Variants in ATP9B observed in about 807,000 individuals in gnomAD.
ATP9B encodes probable phospholipid-transporting ATPase IIB.
In ATP9B, 110 loss-of-function variants were observed where a neutral mutation model predicts 146.1. That is an observed-to-expected ratio of 0.75 (90% CI 0.65 to 0.88). The LOEUF (loss-of-function observed/expected upper bound fraction) is 0.88, where lower values mean the gene tolerates loss of function less well. Ranked by LOEUF, ATP9B falls within the 40% of genes least tolerant of loss-of-function variation. ATP9B has a pLI of 0.00. For synonymous variants in ATP9B, 604 were observed against 569.7 expected, an observed-to-expected ratio of 1.06 and a Z score of -0.86; for missense variants, 1,499 against 1,496.4, an observed-to-expected ratio of 1.00 and a Z score of -0.03.
At chr18:79,139,814 C>T (rs572419667) in intron 5 of ATP9B, among the ~76,000 whole-genome samples, 4 of 152,286 alleles carry the variant, frequency 2.6e-5, no homozygotes, top group East Asian at 1.9e-4. Context: ...CGCTTCCCCC[C>T]ACAACTCCCA....
At chr18:79,184,875 T>G (rs2095290379) in intron 8 of ATP9B, among the ~76,000 whole-genome samples, 5 of 152,122 alleles carry the variant, frequency 3.3e-5, no homozygotes, top group Admixed American at 3.3e-4. Flanking sequence ...GTAAGCAGCT[T>G]GGGAGCAAGT....
chr18:79,371,495 C>G (rs1201469369), intron 26 of ATP9B, among the ~76,000 whole-genome samples: 1 of 151,764 alleles, frequency 6.6e-6, no homozygotes, highest in East Asian at 1.9e-4. Flanking sequence ...CACACTGACT[C>G]TTGCAGCCTA....
intron 12 of ATP9B, among the ~76,000 whole-genome samples, chr18:79,259,626 G>T (rs183498587): frequency 1.3e-5 from 2 of 152,184 alleles, no homozygotes; most frequent in Non-Finnish European, 2.9e-5. Context: ...CCCAGTGAGC[G>T]TGGGGATGCT....
At chr18:79,129,959 C>T (rs1333286599) in intron 5 of ATP9B, among the ~76,000 whole-genome samples, 1 of 152,142 alleles carries the variant, frequency 6.6e-6, no homozygotes, top group African/African-American at 2.4e-5. Flanking sequence ...CCAGGCTGGT[C>T]TCAAACTCCT....
intron 9 of ATP9B, among the ~76,000 whole-genome samples, chr18:79,201,914 A>T (rs1485802302): frequency 6.6e-6 from 1 of 152,100 alleles, no homozygotes; most frequent in Non-Finnish European, 1.5e-5. Context: ...GGGTGGCTAC[A>T]GCTGGAGCAC....
intron 14 of ATP9B, among the ~76,000 whole-genome samples, 182 bp downstream of exon 14, chr18:79,303,898 A>C (rs550110514): frequency 3.9e-5 from 6 of 152,194 alleles, no homozygotes; most frequent in Admixed American, 1.3e-4. Context: ...GCATTTGTAC[A>C]TGAGTGAAAT....
At chr18:79,178,783 G>A (rs1028605893) in intron 8 of ATP9B, among the ~76,000 whole-genome samples, 2 of 152,074 alleles carry the variant, frequency 1.3e-5, no homozygotes, top group African/African-American at 4.8e-5. Context: ...TTTTGTTAAG[G>A]ATGTTTTGTG....
At position 79,307,066 on chromosome 18, in the gene ATP9B, A is replaced by G. The variant is rs758913032; in HGVS notation, c.1605A>G (p.Lys535=). The change falls in exon 15 of 30, where the codon AAA becomes AAG. Residue 535 remains lysine (K), a synonymous_variant. Transcript: ENST00000426216. Reference sequence around the variant, plus strand: ...AATCTTCAGCTCCCAAAGTTAGGAAAAGTGTCAGTAGTCGAATCCATGAAG... The same window carrying G: ...AATCTTCAGCTCCCAAAGTTAGGAAGAGTGTCAGTAGTCGAATCCATGAAG... The part of the protein sequence containing the change: ...KAQSSAPKVR[K]SVSSRIHEAV... 6 of 1,614,102 alleles carry G rather than the reference A, an allele frequency of 3.7e-6. No individual in the cohort carries two copies. Among genetic ancestry groups the G allele is most frequent in the African/African-American group, 2.7e-5 (2 of 74,942 alleles).
intron 12 of ATP9B, among the ~76,000 whole-genome samples, chr18:79,269,760 C>T (rs761056338): frequency 6.6e-6 from 1 of 152,244 alleles, no homozygotes; most frequent in Non-Finnish European, 1.5e-5. Flanking sequence ...GAGATACCCT[C>T]TGTCTTGGAG....
chr18:79,222,042 C>T (rs1215990398), intron 11 of ATP9B, among the ~76,000 whole-genome samples: 1 of 152,064 alleles, frequency 6.6e-6, no homozygotes, highest in Admixed American at 6.5e-5. Context: ...TTCCCACTTG[C>T]CTATCCTGTA....
intron 2 of ATP9B, among the ~76,000 whole-genome samples, chr18:79,109,528 A>T (rs2075863209): frequency 6.6e-6 from 1 of 151,636 alleles, no homozygotes; most frequent in African/African-American, 2.4e-5. Flanking sequence ...ATCACAGGAA[A>T]CATTTGTATC....
intron 11 of ATP9B, among the ~76,000 whole-genome samples, chr18:79,217,491 G>A (rs2148451561): frequency 6.6e-6 from 1 of 152,304 alleles, no homozygotes; most frequent in East Asian, 1.9e-4. Flanking sequence ...GCCAGATTTG[G>A]TATTTAAACA....
chr18:79,227,965 A>G (rs2095753459), intron 11 of ATP9B, among the ~76,000 whole-genome samples: 1 of 152,086 alleles, frequency 6.6e-6, no homozygotes, highest in South Asian at 2.1e-4. Context: ...AAAATCTCAT[A>G]TTTGTTCACT....
At chr18:79,115,202 C>A (rs1234607466) in intron 4 of ATP9B, 1 of 138,892 alleles carries the variant, frequency 7.2e-6, no homozygotes, top group African/African-American at 2.8e-5. Flanking sequence ...ACCTAGGAAT[C>A]CAACTTACAA....
intron 21 of ATP9B, among the ~76,000 whole-genome samples, chr18:79,344,620 C>T (rs1462849325): frequency 6.6e-6 from 1 of 152,216 alleles, no homozygotes; most frequent in African/African-American, 2.4e-5. Context: ...TTCGTAGCAG[C>T]GGTATCTGCC....
intron 4 of ATP9B, chr18:79,117,716 C>G (rs1052569730): frequency 6.6e-6 from 1 of 152,182 alleles, no homozygotes; most frequent in Non-Finnish European, 1.5e-5. Context: ...AGAAGAAACA[C>G]TGAAGTGTAT....
At position 79,189,306 on chromosome 18, in the gene ATP9B, C is replaced by T. The variant is rs188833222; in HGVS notation, c.874-3877C>T. 1.3e-3 allele frequency among the ~76,000 whole-genome samples: 197 copies of T among 152,106 alleles called. 2 individuals carry two copies. The highest frequency in any genetic ancestry group is 4.1e-3 in the African/African-American group (172 of 41,480). ...AGGTTGCAGTGAGCCGAGATCTTGC[C>T]GCTGCACTCCAGCCTGGGCGACAGA... On this transcript the variant is annotated intron_variant, in intron 8 of 29. Transcript: ENST00000426216.
At chr18:79,095,767 G>C (rs982434881) in intron 1 of ATP9B, 4 of 152,144 alleles carry the variant, frequency 2.6e-5, no homozygotes, top group African/African-American at 9.7e-5. Context: ...AAAAAGGTAA[G>C]TTTTTATTTT....
intron 5 of ATP9B, among the ~76,000 whole-genome samples, chr18:79,134,410 T>A (rs2147290520): frequency 6.6e-6 from 1 of 152,354 alleles, no homozygotes; most frequent in South Asian, 2.1e-4. Context: ...AGGACTACTT[T>A]AATTCCTGGA....
Sources: gnomAD v4.1 joint callset for allele counts (sites outside exome capture counted in the v4.1 genomes callset) on GRCh38, gnomAD v4.1.1 for gene constraint, MANE v1.5 for transcripts, NCBI Gene and HGNC (gene_info 2026-07-23, HGNC 2026-07-21) for gene names.